The following ATXN1 variants were observed in gnomAD, a reference collection of about 807,000 sequenced individuals.
The protein encoded by ATXN1 is ataxin-1.
A neutral mutation model predicts 56.4 loss-of-function variants in ATXN1; 8 were observed. The observed-to-expected ratio is 0.14, with a 90% CI of 0.08 to 0.26. The LOEUF (loss-of-function observed/expected upper bound fraction) is 0.26, where lower values mean the gene tolerates loss of function less well. Among genes scored for constraint, ATXN1 ranks in the 10% least tolerant of loss-of-function variants. The pLI is 1.00. For missense variants in ATXN1, 987 were observed against 1,106.5 expected (o/e 0.89, Z 1.53); for synonymous variants, 514 against 494.6 (o/e 1.04, Z -0.52).
At chr6:16,694,455 T>C (rs1002245842) in intron 2 of ATXN1, among the ~76,000 whole-genome samples, 25 of 152,158 alleles carry the variant, frequency 1.6e-4, no homozygotes, top group African/African-American at 6.0e-4. Context: ...GGTTTCACCA[T>C]GTTGCCCAGG....
chr6:16,561,545 T>G (rs1293075479), intron 4 of ATXN1, among the ~76,000 whole-genome samples: 1 of 152,224 alleles, frequency 6.6e-6, no homozygotes, highest in Non-Finnish European at 1.5e-5. Flanking sequence ...AGGGGTTAAA[T>G]TCTCAATATA....
chr6:16,332,986 G>A (rs369818335), intron 6 of ATXN1, among the ~76,000 whole-genome samples: 23 of 152,264 alleles, frequency 1.5e-4, no homozygotes, highest in Non-Finnish European at 2.6e-4. Context: ...GCAGCTATCC[G>A]ATTAAATTTT....
At chr6:16,696,999 C>T (rs890945123) in intron 2 of ATXN1, among the ~76,000 whole-genome samples, 13 of 152,130 alleles carry the variant, frequency 8.5e-5, no homozygotes, top group Non-Finnish European at 1.8e-4. Context: ...GAAGCGTTGG[C>T]GAGGCTTGCT....
chr6:16,587,253 A>G (rs190281038), intron 3 of ATXN1, among the ~76,000 whole-genome samples: 58 of 152,350 alleles, frequency 3.8e-4, no homozygotes, highest in Non-Finnish European at 5.1e-4. Flanking sequence ...GCAGAAACCT[A>G]AAATCCACGT....
chr6:16,580,783 A>C (rs1416935725), intron 4 of ATXN1, among the ~76,000 whole-genome samples: 3 of 152,196 alleles, frequency 2.0e-5, no homozygotes, highest in Non-Finnish European at 4.4e-5. Context: ...ATACTCTTGA[A>C]TCTTTGACCC....
chr6:16,743,421 G>A (rs1337530635), intron 2 of ATXN1, among the ~76,000 whole-genome samples: 4 of 152,174 alleles, frequency 2.6e-5, no homozygotes, highest in Admixed American at 2.6e-4. Context: ...CCACCACTGT[G>A]GTTCACAGGA....
chr6:16,650,177 A>C (rs747961978), intron 3 of ATXN1, among the ~76,000 whole-genome samples: 1 of 152,214 alleles, frequency 6.6e-6, no homozygotes, highest in South Asian at 2.1e-4. Context: ...AAGAAACAAC[A>C]GGGACAGGTG....
intron 6 of ATXN1, among the ~76,000 whole-genome samples, chr6:16,358,062 A>G (rs1761727073): frequency 6.6e-6 from 1 of 152,194 alleles, no homozygotes; most frequent in Non-Finnish European, 1.5e-5. Context: ...AGGCAATCAA[A>G]AGGCAAGAAG....
chr6:16,694,183 T>C (rs1759106972), intron 2 of ATXN1, among the ~76,000 whole-genome samples: 1 of 151,838 alleles, frequency 6.6e-6, no homozygotes. Flanking sequence ...AAGTTAGTAT[T>C]ATGCTCCTGA....
intron 4 of ATXN1, among the ~76,000 whole-genome samples, chr6:16,574,648 G>C (rs1762390024): frequency 6.6e-6 from 1 of 152,130 alleles, no homozygotes; most frequent in Admixed American, 6.5e-5. Context: ...TAGATTTACA[G>C]AAAGCGGCAA....
intron 3 of ATXN1, among the ~76,000 whole-genome samples, chr6:16,596,718 G>T (rs1762822010): frequency 6.6e-6 from 1 of 152,112 alleles, no homozygotes; most frequent in Non-Finnish European, 1.5e-5. Flanking sequence ...CCCACCCAAA[G>T]CACCTCATGG....
rs560711713 is a variant in ATXN1, at chr6:16,688,732, C to A, written c.-614-30831G>T. On this transcript the variant is annotated intron_variant, in intron 2 of 7. Coordinates refer to ENST00000436367, the MANE Select transcript of ATXN1 (RefSeq NM_001128164.2). Reference sequence around the variant, plus strand: ...ACATCCAATCTGCTTTTACCCGGCTCACTTATTTACAATTGGGGCTGCCTA... The same window carrying A: ...ACATCCAATCTGCTTTTACCCGGCTAACTTATTTACAATTGGGGCTGCCTA... Among the ~76,000 whole-genome samples, 15 of 152,286 alleles carry A rather than the reference C, an allele frequency of 9.8e-5. No homozygotes were observed. The South Asian group carries it at 3.1e-3, about 32-fold the overall frequency.
At chr6:16,413,424 T>C (rs1256817620) in intron 6 of ATXN1, among the ~76,000 whole-genome samples, 1 of 152,144 alleles carries the variant, frequency 6.6e-6, no homozygotes, top group Non-Finnish European at 1.5e-5. Flanking sequence ...TGTTATAGGC[T>C]TGTGCTATAA....
chr6:16,479,882 T>C (rs973268503), intron 6 of ATXN1, among the ~76,000 whole-genome samples: 1 of 152,162 alleles, frequency 6.6e-6, no homozygotes, highest in Non-Finnish European at 1.5e-5. Flanking sequence ...CCAGGCGTAG[T>C]GGCTGATGCC....
At chr6:16,752,536 A>G (rs1440781483) in intron 2 of ATXN1, among the ~76,000 whole-genome samples, 1 of 152,060 alleles carries the variant, frequency 6.6e-6, no homozygotes, top group African/African-American at 2.4e-5. Flanking sequence ...TTGATCCCCT[A>G]TTTTCTATTT....
At chr6:16,717,680 G>A (rs1262345461) in intron 2 of ATXN1, among the ~76,000 whole-genome samples, 9 of 152,292 alleles carry the variant, frequency 5.9e-5, no homozygotes, top group Admixed American at 3.9e-4. Context: ...TAACGATCTC[G>A]TGGGTCTGAG....
chr6:16,533,348 T>G lies in ATXN1; in HGVS notation c.-360-10660A>C, dbSNP rs1322350640. The stretch of plus-strand genomic sequence containing the variant: ...GTTGAAACTTGAGAGGGTTGGTTTA[T>G]GGGAGGCAGCTGATGAACTGTGACC... On this transcript the variant is annotated intron_variant, in intron 4 of 7. Transcript: ENST00000436367. 6.6e-5 allele frequency among the ~76,000 whole-genome samples: 10 copies of G among 152,198 alleles called. No individual in the cohort carries two copies. In the East Asian group the frequency reaches 1.9e-3, roughly 29 times the overall value.
chr6:16,698,563 C>A (rs1759214237), intron 2 of ATXN1, among the ~76,000 whole-genome samples: 1 of 147,266 alleles, frequency 6.8e-6, no homozygotes, highest in Admixed American at 6.9e-5. Context: ...AGAAAGTTAA[C>A]AGAGAAACTG....
chr6:16,618,193 C>T (rs879013790), intron 3 of ATXN1, among the ~76,000 whole-genome samples: 1 of 152,098 alleles, frequency 6.6e-6, no homozygotes, highest in South Asian at 2.1e-4. Context: ...TGTTCTCACT[C>T]ATAAGTGGGA....
Sources: allele counts gnomAD v4.1 joint callset (sites outside exome capture counted in the v4.1 genomes callset), GRCh38; gene constraint gnomAD v4.1.1; transcripts MANE v1.5; gene names NCBI Gene and HGNC (gene_info 2026-07-23, HGNC 2026-07-21).